Variants in CFAP299 observed in about 807,000 individuals in gnomAD.
CFAP299 encodes cilia- and flagella-associated protein 299.
Under a neutral mutation model 27.0 loss-of-function variants are expected in CFAP299, and 21 were observed. That is an observed-to-expected ratio of 0.78 (90% CI 0.55 to 1.12). The LOEUF (loss-of-function observed/expected upper bound fraction) is 1.12. CFAP299 is among the 50% of genes most tolerant of loss of function. The pLI is 0.00. For missense variants in CFAP299, 310 were observed against 276.6 expected, an observed-to-expected ratio of 1.12 and a Z score of -0.86; for synonymous variants, 104 against 98.1, an observed-to-expected ratio of 1.06 and a Z score of -0.36.
At chr4:80,951,775 G>A (rs1737791102) in intron 5 of CFAP299, among the ~76,000 whole-genome samples, 1 of 152,134 alleles carries the variant, frequency 6.6e-6, no homozygotes, top group African/African-American at 2.4e-5. Flanking sequence ...TAATGTATAT[G>A]CATAAAGCTA....
chr4:80,397,561 A>G (rs989957522), intron 2 of CFAP299, among the ~76,000 whole-genome samples: 19 of 152,334 alleles, frequency 1.2e-4, no homozygotes, highest in African/African-American at 3.8e-4. Flanking sequence ...AATGTGTCCC[A>G]GAGATTCTGG....
At chr4:80,384,398 C>A (rs1288543937) in intron 2 of CFAP299, among the ~76,000 whole-genome samples, 1 of 152,042 alleles carries the variant, frequency 6.6e-6, no homozygotes, top group Non-Finnish European at 1.5e-5. Flanking sequence ...TATTAGCAAG[C>A]CAATCTTGAG....
intron 2 of CFAP299, among the ~76,000 whole-genome samples, chr4:80,381,176 T>C (rs1724679251): frequency 6.6e-6 from 1 of 152,210 alleles, no homozygotes; most frequent in Admixed American, 6.5e-5. Context: ...ACAAAATGCC[T>C]TTAAAAATAG....
chr4:80,419,969 T>C (rs1398184765), intron 2 of CFAP299, among the ~76,000 whole-genome samples: 1 of 152,064 alleles, frequency 6.6e-6, no homozygotes, highest in Non-Finnish European at 1.5e-5. Flanking sequence ...GACATGCACA[T>C]AGGGGAGAAG....
intron 3 of CFAP299, among the ~76,000 whole-genome samples, chr4:80,774,708 A>T (rs995010123): frequency 2.0e-5 from 3 of 152,088 alleles, no homozygotes; most frequent in Non-Finnish European, 2.9e-5. Flanking sequence ...AAAATTAGTA[A>T]TGTGAAATCA....
intron 3 of CFAP299, among the ~76,000 whole-genome samples, chr4:80,589,606 TAAA>T (rs1217610502): frequency 1.3e-5 from 2 of 151,988 alleles, no homozygotes; most frequent in Admixed American, 1.3e-4. Flanking sequence ...TTTTACTAGT[TAAA>T]AAAAATCCAA....
chr4:80,426,188 ATATT>A (rs1276660002), intron 2 of CFAP299, among the ~76,000 whole-genome samples: 1 of 151,340 alleles, frequency 6.6e-6, no homozygotes, highest in Non-Finnish European at 1.5e-5. Context: ...AACTATTTCT[ATATT>A]TATCTGAACA....
At chr4:80,399,666 G>C (rs1265645175) in intron 2 of CFAP299, among the ~76,000 whole-genome samples, 1 of 134,114 alleles carries the variant, frequency 7.5e-6, no homozygotes, top group Non-Finnish European at 1.6e-5. Context: ...ACAGTAAGGG[G>C]AACATCACAC....
At chr4:80,396,017 T>G (rs1280775568) in intron 2 of CFAP299, among the ~76,000 whole-genome samples, 1 of 152,186 alleles carries the variant, frequency 6.6e-6, no homozygotes, top group Non-Finnish European at 1.5e-5. Context: ...TTTTATAGGC[T>G]TAGAGCCACT....
chr4:80,817,123 G>A (rs1021917698), intron 3 of CFAP299, among the ~76,000 whole-genome samples: 46 of 152,140 alleles, frequency 3.0e-4, no homozygotes, highest in African/African-American at 1.0e-3. Flanking sequence ...ATGCAGTGAC[G>A]GTGAGGTTGG....
At chr4:80,935,516 G>A (rs112857864) in intron 4 of CFAP299, among the ~76,000 whole-genome samples, 24 of 145,244 alleles carry the variant, frequency 1.7e-4, no homozygotes, top group African/African-American at 3.2e-4. Context: ...ACTGGTTAGC[G>A]ATAAGCAGAA....
chr4:80,828,618 G>A (rs1730124759), intron 3 of CFAP299, among the ~76,000 whole-genome samples: 1 of 151,724 alleles, frequency 6.6e-6, no homozygotes, highest in Admixed American at 6.6e-5. Flanking sequence ...CCCCTACCCT[G>A]ATTCTCTCTC....
At chr4:80,932,013 G>A (rs1336520964) in intron 4 of CFAP299, among the ~76,000 whole-genome samples, 2 of 152,292 alleles carry the variant, frequency 1.3e-5, no homozygotes, top group African/African-American at 4.8e-5. Flanking sequence ...CCATAGGCTA[G>A]CAGGACTTTT....
At chr4:80,538,767 T>C (rs930516634) in intron 2 of CFAP299, among the ~76,000 whole-genome samples, 2 of 152,198 alleles carry the variant, frequency 1.3e-5, no homozygotes, top group Admixed American at 6.5e-5. Flanking sequence ...AAGTGCATTC[T>C]ATGATGTTTG....
chr4:80,333,793 G>T (rs1722025172), upstream of CFAP299, among the ~76,000 whole-genome samples: 1 of 152,094 alleles, frequency 6.6e-6, no homozygotes, highest in Admixed American at 6.6e-5. Flanking sequence ...AAAAATCTTG[G>T]ACTTGAAGTA....
intron 1 of CFAP299, among the ~76,000 whole-genome samples, chr4:80,338,741 A>T (rs1406550234): frequency 6.6e-6 from 1 of 152,238 alleles, no homozygotes; most frequent in Non-Finnish European, 1.5e-5. Context: ...ACTTGACCTC[A>T]GAAACCTAAG....
intron 2 of CFAP299, among the ~76,000 whole-genome samples, chr4:80,375,105 CAG>C (rs1426749767): frequency 6.6e-6 from 1 of 152,004 alleles, no homozygotes. Flanking sequence ...GCCTAAATTG[CAG>C]AGAGAGACTT....
chr4:80,406,738 A>G (rs886594347), intron 2 of CFAP299, among the ~76,000 whole-genome samples: 3 of 152,162 alleles, frequency 2.0e-5, no homozygotes, highest in African/African-American at 7.2e-5. Flanking sequence ...AAAGTCCAAT[A>G]CTAGTGAAAC....
At chr4:80,403,032 T>A (rs767425278) in intron 2 of CFAP299, among the ~76,000 whole-genome samples, 1 of 152,230 alleles carries the variant, frequency 6.6e-6, no homozygotes, top group Non-Finnish European at 1.5e-5. Context: ...AATATGTTTA[T>A]TTAACAATAT....
Sources: allele counts gnomAD v4.1 joint callset (sites outside exome capture counted in the v4.1 genomes callset), GRCh38; gene constraint gnomAD v4.1.1; transcripts MANE v1.5; gene names NCBI Gene and HGNC (gene_info 2026-07-23, HGNC 2026-07-21).